MYO3A: variants seen among roughly 807,000 people sequenced by gnomAD.
MYO3A encodes myosin-IIIa.
MYO3A carries 180 observed loss-of-function variants against 192.7 expected under a neutral mutation model. The ratio of observed to expected loss-of-function variants is 0.93; its 90% CI spans 0.83 to 1.06. MYO3A has a LOEUF of 1.06. Among genes scored for constraint, MYO3A ranks in the 50% least tolerant of loss-of-function variants. MYO3A has a pLI of 0.00. For synonymous variants in MYO3A, 628 were observed against 645.3 expected, an observed-to-expected ratio of 0.97 and a Z score of 0.41; for missense variants, 1,896 against 1,905.0, an observed-to-expected ratio of 1.00 and a Z score of 0.09.
At chr10:26,045,637 A>G (rs1362025617) in intron 10 of MYO3A, among the ~76,000 whole-genome samples, 2 of 152,164 alleles carry the variant, frequency 1.3e-5, no homozygotes, top group East Asian at 1.9e-4. Context: ...TTTAGGTCTC[A>G]GAAGCAGTCC....
In MYO3A at chr10:25,996,564, A is replaced by G; in HGVS notation, c.378A>G (p.Leu126=). The change falls in exon 5 of 35, where the codon CTA becomes CTG. Residue 126 remains leucine, a synonymous_variant. Coordinates refer to ENST00000642920, the MANE Select transcript of MYO3A (RefSeq NM_017433.5). The part of the protein sequence containing the change: ...LKRGERMSEP[L]IAYILHEALM... ...GGGGTGAAAGAATGAGTGAGCCTCT[A>G]ATTGCCTATATTTTACATGAAGCAC... 1 of 1,613,798 alleles carries G rather than the reference A, an allele frequency of 6.2e-7. No individual in the cohort carries two copies. Among genetic ancestry groups the G allele is most frequent in the Non-Finnish European group, 8.5e-7 (1 of 1,179,782 alleles).
chr10:26,093,670 G>GT (rs1033528180), intron 15 of MYO3A, among the ~76,000 whole-genome samples: 6 of 151,974 alleles, frequency 3.9e-5, no homozygotes, highest in Non-Finnish European at 7.4e-5. Flanking sequence ...AGCTTTTCTC[G>GT]TTTTTTCTCT....
chr10:25,967,195 C>T (rs1312375425), intron 4 of MYO3A, among the ~76,000 whole-genome samples: 1 of 152,136 alleles, frequency 6.6e-6, no homozygotes, highest in Non-Finnish European at 1.5e-5. Flanking sequence ...ACTGAAAACC[C>T]ACATAGATAT....
At chr10:26,196,845 C>T (rs771934554) in intron 32 of MYO3A, among the ~76,000 whole-genome samples, 5 of 152,054 alleles carry the variant, frequency 3.3e-5, no homozygotes, top group Non-Finnish European at 7.3e-5. Context: ...TTATGGAATA[C>T]ATGTGATATT....
intron 20 of MYO3A, among the ~76,000 whole-genome samples, chr10:26,142,227 A>G (rs1454092364): frequency 6.6e-6 from 1 of 152,222 alleles, no homozygotes; most frequent in African/African-American, 2.4e-5. Flanking sequence ...GTTCCACTCG[A>G]GTCAGTGATT....
chr10:26,093,445 G>A (rs1410552418), intron 15 of MYO3A, among the ~76,000 whole-genome samples: 3 of 152,024 alleles, frequency 2.0e-5, no homozygotes, highest in Admixed American at 2.0e-4. Flanking sequence ...GGTGTTACTT[G>A]CATTATCACT....
rs577455453 is a variant in MYO3A, at chr10:26,159,226, G to A, written c.2999+1711G>A. Among the ~76,000 whole-genome samples the A allele has an allele frequency of 1.3e-4, 19 of 151,504 alleles. 2 individuals carry two copies. In the South Asian group the frequency reaches 4.0e-3, roughly 32 times the overall value. Reference sequence around the variant, plus strand: ...AGGATGGTCTCCATCTCCTGACCTCGTGATCCGCCCACCTTGGCCTCCCAA... The same window carrying A: ...AGGATGGTCTCCATCTCCTGACCTCATGATCCGCCCACCTTGGCCTCCCAA... On this transcript the variant is annotated intron_variant, in intron 26 of 34. Transcript: ENST00000642920.
At chr10:26,154,423 G>A (rs1040431955) in intron 24 of MYO3A, among the ~76,000 whole-genome samples, 1 of 152,112 alleles carries the variant, frequency 6.6e-6, no homozygotes, top group Admixed American at 6.5e-5. Context: ...CAAATGAGCA[G>A]CCTGCCTCGG....
chr10:25,979,529 A>G (rs1233758656), intron 4 of MYO3A, among the ~76,000 whole-genome samples: 6 of 151,816 alleles, frequency 4.0e-5, no homozygotes, highest in Admixed American at 1.3e-4. Context: ...CAAAGGAAAC[A>G]TACCAAAACA....
intron 2 of MYO3A, among the ~76,000 whole-genome samples, chr10:25,946,574 G>A (rs1836845032): frequency 6.7e-6 from 1 of 148,392 alleles, no homozygotes. Context: ...GTCTTGGCAT[G>A]GGTTTCTTTA....
chr10:25,954,098 C>T (rs531856889), intron 3 of MYO3A, among the ~76,000 whole-genome samples: 322 of 152,210 alleles, frequency 2.1e-3, no homozygotes, highest in African/African-American at 7.2e-3. Flanking sequence ...CTGACTTCAA[C>T]TTCTCAGGGC....
chr10:25,989,666 T>C (rs1048661346), intron 4 of MYO3A, among the ~76,000 whole-genome samples: 7 of 149,370 alleles, frequency 4.7e-5, no homozygotes, highest in Admixed American at 4.0e-4. Flanking sequence ...GCAATTCATC[T>C]TAACTATTAT....
intron 9 of MYO3A, 95 bp downstream of exon 9, chr10:26,024,182 A>T: frequency 4.2e-6 from 5 of 1,186,784 alleles, no homozygotes; most frequent in Non-Finnish European, 6.2e-6. Context: ...ACAGCCCCAG[A>T]GATTTCTATT....
At chr10:26,177,878 A>G (rs982930310) in intron 31 of MYO3A, among the ~76,000 whole-genome samples, 1 of 152,222 alleles carries the variant, frequency 6.6e-6, no homozygotes, top group African/African-American at 2.4e-5. Context: ...GCCTGATATG[A>G]GAGGAAGGGG....
chr10:26,026,319 T>C, intron 9 of MYO3A, 58 bp from the exon 10 acceptor site: 9 of 1,586,024 alleles, frequency 5.7e-6, no homozygotes, highest in Non-Finnish European at 6.9e-6. Context: ...GGAATATGAA[T>C]AATAGTTTCA....
chr10:26,115,489 C>A (rs7080516), intron 17 of MYO3A, among the ~76,000 whole-genome samples: 1 of 151,920 alleles, frequency 6.6e-6, no homozygotes, highest in Non-Finnish European at 1.5e-5. Context: ...AAACCATGTA[C>A]CTATATCTAG....
rs1840944103 is a variant in MYO3A at position 26,153,863 on chromosome 10, T to G, written c.2649T>G (p.His883Gln). The G allele has an allele frequency of 1.3e-6, 2 of 1,573,854 alleles. No individual in the cohort carries two copies. The highest frequency in any genetic ancestry group is 1.1e-5 in the South Asian group (1 of 90,202). ...HPLTKTGNLP[H>Q]SKTKNVINYQ... ...ACATTCTCATAGGTAATCTGCCACA[T>G]TCTAAAACTAAAAATGTTATAAACT... is the stretch of plus-strand genomic sequence containing the variant. Residue 883 changes from histidine (H) to glutamine (Q), a missense_variant, in exon 24 of 35, where the codon CAT becomes CAG. Coordinates refer to ENST00000642920, the MANE Select transcript of MYO3A (RefSeq NM_017433.5).
intron 31 of MYO3A, among the ~76,000 whole-genome samples, chr10:26,178,577 A>G (rs1355991727): frequency 6.6e-6 from 1 of 151,380 alleles, no homozygotes; most frequent in Non-Finnish European, 1.5e-5. Context: ...CAAAAAGAAG[A>G]AAAAGAACAA....
chr10:26,063,534 C>G (rs1035534729), intron 10 of MYO3A, among the ~76,000 whole-genome samples: 3 of 152,082 alleles, frequency 2.0e-5, no homozygotes, highest in African/African-American at 7.2e-5. Flanking sequence ...TCCAATTGTT[C>G]CAGCACCATA....
Sources: allele counts gnomAD v4.1 joint callset (sites outside exome capture counted in the v4.1 genomes callset), GRCh38; gene constraint gnomAD v4.1.1; transcripts MANE v1.5; gene names NCBI Gene and HGNC (gene_info 2026-07-23, HGNC 2026-07-21).